SCNN1B: variants seen among roughly 807,000 people sequenced by gnomAD.
SCNN1B encodes the protein sodium channel epithelial 1 subunit beta.
Under a neutral mutation model 65.3 loss-of-function variants are expected in SCNN1B, and 46 were observed. The ratio of observed to expected loss-of-function variants is 0.70; its 90% CI spans 0.56 to 0.90. SCNN1B has a LOEUF of 0.90. Among genes scored for constraint, SCNN1B ranks in the 40% least tolerant of loss-of-function variants. The pLI is 0.00. For missense variants in SCNN1B, 751 were observed against 830.5 expected (o/e 0.90, Z 1.18); for synonymous variants, 349 against 330.6 (o/e 1.06, Z -0.60).
chr16:23,349,021 CCTT>C (rs1422117570), intron 2 of SCNN1B, 111 bp downstream of exon 2: 6 of 891,190 alleles, frequency 6.7e-6, no homozygotes, highest in African/African-American at 6.7e-5. Flanking sequence ...TCCTTTCTCT[CCTT>C]CTCTTTATTT....
chr16:23,349,819 C>T (rs140299858), intron 2 of SCNN1B, among the ~76,000 whole-genome samples: 1,545 of 152,148 alleles, frequency 0.01, 28 homozygotes, highest in African/African-American at 0.033. Context: ...ACAACTCAGC[C>T]GGGCACCATG....
chr16:23,348,446 A>G lies in SCNN1B; in HGVS notation c.-8-146A>G, dbSNP rs1259494654. 4.6e-6 allele frequency: 3 copies of G among 646,250 alleles called. No individual in the cohort carries two copies. The highest frequency in any genetic ancestry group is 7.7e-6 in the Non-Finnish European group (3 of 390,882). The allele number at this position is 646,250 out of a possible 1,614,324, so 40.0% of individuals were successfully genotyped here. On this transcript the variant is annotated intron_variant, in intron 1 of 12. Coordinates refer to ENST00000343070, the MANE Select transcript of SCNN1B (RefSeq NM_000336.3). This position sits in a 1 kb window ranked among gnomAD's most constrained non-coding sequence, Gnocchi z 4.5. ...GATAGCCAAAGGAAGGAAGAAAAGA[A>G]GGAAAAAAGGGAGGGAGGGAGGGGG... is the stretch of plus-strand genomic sequence containing the variant.
chr16:23,323,405 A>G, intron 1 of SCNN1B: 3 of 614,780 alleles, frequency 4.9e-6, no homozygotes, highest in Non-Finnish European at 8.7e-6. Context: ...GGGCTCCAGC[A>G]TGTGGTTGCA....
chr16:23,348,461 G>A lies in SCNN1B; in HGVS notation c.-8-131G>A. ...GAAGAAAAGAAGGAAAAAAGGGAGG[G>A]AGGGAGGGGGGAGGGTAAAGAGGGA... On this transcript the variant is annotated intron_variant, in intron 1 of 12. Transcript: ENST00000343070. The surrounding 1 kb of genome is among the most constrained non-coding windows in gnomAD (Gnocchi z 4.5). 1 of 709,470 alleles carries A rather than the reference G, an allele frequency of 1.4e-6. No individual in the cohort carries two copies. The highest frequency in any genetic ancestry group is 1.8e-5 in the South Asian group (1 of 56,964). The allele number at this position is 709,470 out of a possible 1,614,324, so 43.9% of individuals were successfully genotyped here.
intron 1 of SCNN1B, among the ~76,000 whole-genome samples, chr16:23,333,001 G>T (rs548226441): frequency 6.6e-6 from 1 of 151,978 alleles, no homozygotes. Flanking sequence ...AACCTGGGGG[G>T]CAGAGGTTGC....
upstream of SCNN1B, among the ~76,000 whole-genome samples, chr16:23,301,095 G>A (rs183914200): frequency 6.6e-6 from 1 of 151,922 alleles, no homozygotes; most frequent in Non-Finnish European, 1.5e-5. Context: ...TGGGCATGGT[G>A]GCTCACACCT....
intron 1 of SCNN1B, among the ~76,000 whole-genome samples, chr16:23,338,487 T>TA (rs1199085967): frequency 6.6e-6 from 1 of 152,248 alleles, no homozygotes; most frequent in Non-Finnish European, 1.5e-5. Flanking sequence ...AAAATCCAGC[T>TA]ACCAGAAACC....
intron 4 of SCNN1B, among the ~76,000 whole-genome samples, chr16:23,359,973 C>T (rs900580879): frequency 2.0e-5 from 3 of 151,870 alleles, no homozygotes; most frequent in Non-Finnish European, 4.4e-5. Flanking sequence ...GAAGCCGAGG[C>T]AGGCAGATCA....
intron 2 of SCNN1B, among the ~76,000 whole-genome samples, chr16:23,296,251 A>G (rs1960995834): frequency 6.6e-6 from 1 of 152,226 alleles, no homozygotes; most frequent in Admixed American, 6.5e-5. Context: ...ACGGGGATCC[A>G]GAGAACTGAG....
chr16:23,315,888 C>T (rs529116692), intron 1 of SCNN1B, among the ~76,000 whole-genome samples: 1 of 152,254 alleles, frequency 6.6e-6, no homozygotes, highest in South Asian at 2.1e-4. Flanking sequence ...CAAGTAGGTA[C>T]ATCCTTACCA....
intron 4 of SCNN1B, among the ~76,000 whole-genome samples, chr16:23,359,907 T>A (rs188261524): frequency 3.3e-5 from 5 of 152,288 alleles, no homozygotes; most frequent in East Asian, 3.9e-4. Flanking sequence ...AGCATTTTTT[T>A]AAAAAGGCTT....
At chr16:23,363,293 T>C (rs1962588429) in intron 4 of SCNN1B, among the ~76,000 whole-genome samples, 1 of 152,192 alleles carries the variant, frequency 6.6e-6, no homozygotes, top group African/African-American at 2.4e-5. Flanking sequence ...GTAGGTAGTA[T>C]TATCTGGTGT....
At chr16:23,287,112 C>CTCTT (rs1960862020) in intron 2 of SCNN1B, among the ~76,000 whole-genome samples, 1 of 150,734 alleles carries the variant, frequency 6.6e-6, no homozygotes, top group Non-Finnish European at 1.5e-5. Context: ...TCAAGTGGTT[C>CTCTT]TCTTGCCTCA....
intron 4 of SCNN1B, among the ~76,000 whole-genome samples, chr16:23,360,416 G>A (rs1382543472): frequency 6.6e-6 from 1 of 151,776 alleles, no homozygotes; most frequent in African/African-American, 2.4e-5. Context: ...CGGCGTGGTG[G>A]TACACACCTG....
chr16:23,284,046 C>T (rs1960818596), intron 2 of SCNN1B, among the ~76,000 whole-genome samples: 1 of 152,118 alleles, frequency 6.6e-6, no homozygotes, highest in African/African-American at 2.4e-5. Flanking sequence ...TCTTTTTGGC[C>T]CAATTTAGAT....
chr16:23,304,253 G>GCACACACACACA (rs1402337185), intron 1 of SCNN1B, among the ~76,000 whole-genome samples: 1 of 123,894 alleles, frequency 8.1e-6, no homozygotes, highest in African/African-American at 3.4e-5. Flanking sequence ...ATGAATGCAT[G>GCACACACACACA]CACACACACA....
At chr16:23,280,004 A>G (rs886604387) in intron 1 of SCNN1B, among the ~76,000 whole-genome samples, 1 of 152,154 alleles carries the variant, frequency 6.6e-6, no homozygotes, top group African/African-American at 2.4e-5. Context: ...TGCTAGCACC[A>G]CCGAAATTTT....
chr16:23,344,980 C>T (rs58290601), intron 1 of SCNN1B, among the ~76,000 whole-genome samples: 13,633 of 150,542 alleles, frequency 0.091, 666 homozygotes, highest in Middle Eastern at 0.17. Flanking sequence ...GGCAACAGAG[C>T]GAGAGCCTGT....
chr16:23,365,620 A>AGAAAGAGAGAGAGAGAAAGAAAGAAAG (rs11399911), intron 4 of SCNN1B, among the ~76,000 whole-genome samples: 2 of 80,502 alleles, frequency 2.5e-5, no homozygotes, highest in South Asian at 4.5e-4. Flanking sequence ...AAAGAAAGAA[A>AGAAAGAGAGAGAGAGAAAGAAAGAAAG]AAAGAAAGAA....
Sources: gnomAD v4.1 joint callset for allele counts (sites outside exome capture counted in the v4.1 genomes callset) on GRCh38, gnomAD v4.1.1 for gene constraint, Gnocchi (gnomAD v3.1) non-coding constraint, MANE v1.5 for transcripts, NCBI Gene and HGNC (gene_info 2026-07-23, HGNC 2026-07-21) for gene names.